Variants in DDX46 observed in about 807,000 individuals in gnomAD.
DDX46 encodes probable ATP-dependent RNA helicase DDX46.
A neutral mutation model predicts 134.9 loss-of-function variants in DDX46; 30 were observed. That is an observed-to-expected ratio of 0.22 (90% confidence interval 0.17 to 0.30). The LOEUF (loss-of-function observed/expected upper bound fraction) is 0.30, where lower values mean the gene tolerates loss of function less well. Among genes scored for constraint, DDX46 ranks in the 10% least tolerant of loss-of-function variants. The probability of loss-of-function intolerance (pLI) is 1.00; values close to 1 mark genes in which losing one functional copy is unlikely to be tolerated. For missense variants in DDX46, 622 were observed against 1,248.7 expected (o/e 0.50, Z 7.56); for synonymous variants, 415 against 404.1 (o/e 1.03, Z -0.32).
At chr5:134,780,098 A>ATGTGTGTGTGTGTGTG (rs71583216) in intron 6 of DDX46, among the ~76,000 whole-genome samples, 37 of 139,578 alleles carry the variant, frequency 2.7e-4, no homozygotes, top group South Asian at 6.8e-4. Flanking sequence ...AAAAAAATAT[A>ATGTGTGTGTGTGTGTG]TGTGTGTGTG....
At chr5:134,826,862 G>A in intron 21 of DDX46, 85 bp from the exon 22 acceptor site, 1 of 1,355,530 alleles carries the variant, frequency 7.4e-7, no homozygotes, top group Non-Finnish European at 1.0e-6. Context: ...GTCACCTACA[G>A]TGTTTCTTCC....
intron 16 of DDX46, among the ~76,000 whole-genome samples, chr5:134,810,726 C>T (rs1054890160): frequency 6.6e-6 from 1 of 151,786 alleles, no homozygotes; most frequent in Non-Finnish European, 1.5e-5. Context: ...TAAACTTGGG[C>T]CGGGCACAGT....
chr5:134,809,644 G>T (rs953324917), intron 16 of DDX46, among the ~76,000 whole-genome samples: 1 of 151,750 alleles, frequency 6.6e-6, no homozygotes, highest in Non-Finnish European at 1.5e-5. Flanking sequence ...CAAAATACTG[G>T]GATTACAGGC....
intron 1 of DDX46, among the ~76,000 whole-genome samples, chr5:134,760,890 A>C (rs1441793350): frequency 1.3e-5 from 2 of 151,512 alleles, no homozygotes; most frequent in Non-Finnish European, 2.9e-5. Context: ...CCACCGCGTC[A>C]GGCTAATTTT....
chr5:134,766,954 C>T lies in DDX46; in HGVS notation c.244C>T (p.Arg82Ter). Residue 82 changes from arginine to a stop codon, truncating the protein, a stop_gained, in exon 3 of 23, where the codon CGA (arginine) becomes TGA (stop). Coordinates refer to ENST00000452510, the MANE Select transcript of DDX46 (RefSeq NM_001300860.2). LOFTEE classifies it high-confidence loss of function. ...TAGAGAGAGAGACAGAAGCCGAGAGCGAAGAAGATCTCGAAGTAGAGACAG... is the reference window on the plus strand; with the variant it reads ...TAGAGAGAGAGACAGAAGCCGAGAGTGAAGAAGATCTCGAAGTAGAGACAG... ...RSRERDRSRE[R>*]RRSRSRDRRR... is the part of the protein sequence containing the mutation. 3 of 1,613,870 alleles carry T rather than the reference C, an allele frequency of 1.9e-6. No homozygotes were observed. Among genetic ancestry groups the T allele is most frequent in the East Asian group, 2.2e-5 (1 of 44,874 alleles).
rs1755316470 is a variant in DDX46 at position 134,817,518 on chromosome 5, A to G, written c.2636A>G (p.Asn879Ser). ...SQVDVMQQAT[N>S]AILRGGTILA... is the part of the protein sequence containing the mutation. ...CAGGATGTGATGCAGCAGGCCACCAATGCAATTCTTAGGGGTGGCACCATT... is the reference window on the plus strand; with the variant it reads ...CAGGATGTGATGCAGCAGGCCACCAGTGCAATTCTTAGGGGTGGCACCATT... Residue 879 changes from asparagine to serine, a missense_variant, in exon 20 of 23, where the codon AAT becomes AGT. Transcript: ENST00000452510. 1.9e-6 allele frequency: 3 copies of G among 1,614,072 alleles called. No individual in the cohort carries two copies. Among genetic ancestry groups the G allele is most frequent in the Non-Finnish European group, 2.5e-6 (3 of 1,180,010 alleles).
chr5:134,768,702 CGTAA>C (rs1476229018), intron 3 of DDX46, among the ~76,000 whole-genome samples: 2 of 151,868 alleles, frequency 1.3e-5, no homozygotes, highest in Admixed American at 1.3e-4. Flanking sequence ...TATGAGATGC[CGTAA>C]GTTGGGGTGC....
At position 134,770,896 on chromosome 5, in the gene DDX46, T is replaced by G; in HGVS notation, c.351-7T>G. On this transcript the variant is annotated splice_polypyrimidine_tract_variant and splice_region_variant and intron_variant, in intron 3 of 22. Coordinates refer to ENST00000452510, the MANE Select transcript of DDX46 (RefSeq NM_001300860.2). ...CATTTCTCTTGTCTCTTTTATTTTTTTGGTAGATCTAGGTCCAAAGAGAAA... is the reference window on the plus strand; with the variant it reads ...CATTTCTCTTGTCTCTTTTATTTTTGTGGTAGATCTAGGTCCAAAGAGAAA... The G allele has an allele frequency of 6.4e-7, 1 of 1,569,458 alleles. No homozygotes were observed. The highest frequency in any genetic ancestry group is 1.2e-5 in the South Asian group (1 of 82,732).
chr5:134,829,176 A>G lies in DDX46; in HGVS notation c.*470A>G, dbSNP rs1219743659. The G allele has an allele frequency of 6.6e-6, 1 of 152,308 alleles. No homozygotes were observed. Among genetic ancestry groups the G allele is most frequent in the African/African-American group, 2.4e-5 (1 of 41,472 alleles). 9.4% of individuals were successfully genotyped at this position (152,308 alleles called of 1,614,324 possible). A position where few individuals can be genotyped will look rare whatever the true frequency, so the allele number is the denominator to read the frequency against. On this transcript the variant is annotated 3_prime_UTR_variant, in exon 23 of 23. Coordinates refer to ENST00000452510, the MANE Select transcript of DDX46 (RefSeq NM_001300860.2). ...GGAACAATATGAACTGGATTTAAGA[A>G]TGTTATAATAGAAGTCTTACAAAAT...
At chr5:134,762,641 G>A (rs1033426042) in intron 1 of DDX46, among the ~76,000 whole-genome samples, 1 of 151,992 alleles carries the variant, frequency 6.6e-6, no homozygotes, top group Non-Finnish European at 1.5e-5. Flanking sequence ...GCTGAGGTAG[G>A]AGGATTGCTT....
chr5:134,794,250 G>A lies in DDX46; in HGVS notation c.1627-600G>A, dbSNP rs968171460. Among the ~76,000 whole-genome samples, 7 of 152,110 alleles carry A rather than the reference G, an allele frequency of 4.6e-5. No homozygotes were observed. The East Asian group carries it at 1.3e-3, about 29-fold the overall frequency. On this transcript the variant is annotated intron_variant, in intron 13 of 22. Transcript: ENST00000452510. ...ACATGTGTACGCCTGCCTGCTGTTG[G>A]GCTGTATGTGGGGGATGGTTAACTG...
At chr5:134,817,428 T>C (rs1755314060) in intron 19 of DDX46, 68 bp from the exon 20 acceptor site, 1 of 1,448,850 alleles carries the variant, frequency 6.9e-7, no homozygotes, top group Non-Finnish European at 9.3e-7. Context: ...AGAGAATAAT[T>C]TGTGGTGTGG....
At chr5:134,821,285 G>A (rs1318239071) in intron 21 of DDX46, among the ~76,000 whole-genome samples, 2 of 151,308 alleles carry the variant, frequency 1.3e-5, no homozygotes, top group African/African-American at 2.4e-5. Flanking sequence ...CTTGTGATCC[G>A]CCCGCCTCGG....
intron 21 of DDX46, among the ~76,000 whole-genome samples, chr5:134,821,043 T>G (rs1280942897): frequency 1.3e-5 from 2 of 150,880 alleles, no homozygotes; most frequent in Non-Finnish European, 3.0e-5. Context: ...ATTTTCGTTT[T>G]TTTTTTTTTT....
At chr5:134,801,472 A>T (rs561913513) in intron 15 of DDX46, among the ~76,000 whole-genome samples, 20 of 152,098 alleles carry the variant, frequency 1.3e-4, no homozygotes, top group Non-Finnish European at 2.5e-4. Context: ...AGCTTGGCTC[A>T]CTGCAACGTC....
intron 18 of DDX46, among the ~76,000 whole-genome samples, chr5:134,814,360 C>T (rs931832807): frequency 1.3e-5 from 2 of 152,054 alleles, no homozygotes; most frequent in African/African-American, 2.4e-5. Flanking sequence ...TGATAAAATA[C>T]GGTGATTGTT....
intron 18 of DDX46, among the ~76,000 whole-genome samples, chr5:134,815,483 C>T (rs566374008): frequency 4.7e-4 from 71 of 151,908 alleles, no homozygotes; most frequent in African/African-American, 1.6e-3. Flanking sequence ...CCAAGGTGGG[C>T]GGATCACGAG....
chr5:134,821,501 T>C (rs1755448955), intron 21 of DDX46, among the ~76,000 whole-genome samples: 1 of 151,390 alleles, frequency 6.6e-6, no homozygotes, highest in Non-Finnish European at 1.5e-5. Flanking sequence ...TTTTCTTGTG[T>C]GCCATTTTGA....
At chr5:134,804,462 G>A (rs955233990) in intron 15 of DDX46, among the ~76,000 whole-genome samples, 30 of 151,962 alleles carry the variant, frequency 2.0e-4, no homozygotes, top group Admixed American at 2.0e-3. Context: ...TTTTGGGACA[G>A]GGTTTTACTC....
Sources: allele counts gnomAD v4.1 joint callset (sites outside exome capture counted in the v4.1 genomes callset), GRCh38; gene constraint gnomAD v4.1.1; transcripts MANE v1.5; gene names NCBI Gene and HGNC (gene_info 2026-07-23, HGNC 2026-07-21).